The following TNFAIP8 variants were observed in gnomAD, a reference collection of about 807,000 sequenced individuals.
TNFAIP8 encodes TNF alpha induced protein 8.
A neutral mutation model predicts 13.3 loss-of-function variants in TNFAIP8; 7 were observed. The observed-to-expected ratio is 0.52, with a 90% CI of 0.30 to 0.99. TNFAIP8 has a LOEUF of 0.99. TNFAIP8 is among the 50% of genes least tolerant of loss of function. The pLI is 0.07. For missense variants in TNFAIP8, 258 were observed against 236.9 expected (o/e 1.09, Z -0.58); for synonymous variants, 94 against 87.6 (o/e 1.07, Z -0.41).
Position 119,395,749 on chromosome 5 carries a change from C to T in TNFAIP8, c.*2368C>T, listed in dbSNP as rs1753058482. 1 of 152,184 alleles carries T rather than the reference C, an allele frequency of 6.6e-6. No individual in the cohort carries two copies. Among genetic ancestry groups the T allele is most frequent in the African/African-American group, 2.4e-5 (1 of 41,454 alleles). The allele number at this position is 152,184 out of a possible 1,614,324, so 9.4% of individuals were successfully genotyped here. A position where few individuals can be genotyped will look rare whatever the true frequency, so the allele number is the denominator to read the frequency against. Reference sequence around the variant, plus strand: ...TCATTTCTAATACAATAGGACTCCCCTTGAGCATTTAGGGTGGCAAGGAGC... The same window carrying T: ...TCATTTCTAATACAATAGGACTCCCTTTGAGCATTTAGGGTGGCAAGGAGC... On this transcript the variant is annotated 3_prime_UTR_variant, in exon 2 of 2. Transcript: ENST00000504771.
At chr5:119,307,814 T>C (rs1372390613) in intron 1 of TNFAIP8, among the ~76,000 whole-genome samples, 2 of 152,254 alleles carry the variant, frequency 1.3e-5, no homozygotes, top group Non-Finnish European at 2.9e-5. Context: ...GAAATTATTC[T>C]AATTTAATAG....
At chr5:119,369,297 G>A (rs562900702) in intron 1 of TNFAIP8, among the ~76,000 whole-genome samples, 6 of 152,092 alleles carry the variant, frequency 3.9e-5, no homozygotes, top group Non-Finnish European at 5.9e-5. Context: ...CAAGTGATCC[G>A]CCTGCCTGGG....
At chr5:119,323,603 G>A (rs189613088) in intron 1 of TNFAIP8, among the ~76,000 whole-genome samples, 40 of 152,242 alleles carry the variant, frequency 2.6e-4, no homozygotes, top group Admixed American at 2.2e-3. Flanking sequence ...ATAGTGCTCT[G>A]TATGTTTCCC....
intron 1 of TNFAIP8, among the ~76,000 whole-genome samples, chr5:119,331,346 G>T (rs1043142580): frequency 6.7e-6 from 1 of 149,152 alleles, no homozygotes; most frequent in East Asian, 2.0e-4. Context: ...ACTCTTCTTT[G>T]TTCCCAAATC....
At chr5:119,282,824 G>C (rs1435235889) in intron 1 of TNFAIP8, among the ~76,000 whole-genome samples, 1 of 152,048 alleles carries the variant, frequency 6.6e-6, no homozygotes. Flanking sequence ...GATCTTTTTG[G>C]TCTTCATTTC....
intron 1 of TNFAIP8, among the ~76,000 whole-genome samples, chr5:119,326,615 C>T (rs548591139): frequency 5.3e-5 from 8 of 152,148 alleles, no homozygotes; most frequent in African/African-American, 1.7e-4. Flanking sequence ...AAACTTAATT[C>T]TAGGTACACA....
chr5:119,287,033 G>T (rs1424759870), intron 1 of TNFAIP8, among the ~76,000 whole-genome samples: 1 of 152,006 alleles, frequency 6.6e-6, no homozygotes, highest in African/African-American at 2.4e-5. Context: ...TGGTTGTATT[G>T]CCCCTTTCCT....
intron 1 of TNFAIP8, among the ~76,000 whole-genome samples, chr5:119,328,932 C>T (rs1393208382): frequency 7.2e-5 from 11 of 152,234 alleles, no homozygotes. Context: ...ATTCAAGTGC[C>T]AGCATATTTA....
intron 1 of TNFAIP8, among the ~76,000 whole-genome samples, chr5:119,389,524 G>A (rs1466230661): frequency 6.6e-6 from 1 of 152,156 alleles, no homozygotes; most frequent in Non-Finnish European, 1.5e-5. Context: ...GCCTGCACAG[G>A]AATGGCTAAC....
intron 1 of TNFAIP8, among the ~76,000 whole-genome samples, chr5:119,387,822 C>T (rs1752738185): frequency 6.6e-6 from 1 of 152,156 alleles, no homozygotes; most frequent in South Asian, 2.1e-4. Flanking sequence ...ATAACATTTA[C>T]ACCCTATTTC....
chr5:119,367,918 C>T lies in TNFAIP8; in HGVS notation c.31+11797C>T, dbSNP rs138324383. On this transcript the variant is annotated intron_variant, in intron 1 of 1. Coordinates refer to ENST00000504771, the MANE Select transcript of TNFAIP8 (RefSeq NM_014350.4). ...TATTTCATGATGCTGGTGTTTTGTT[C>T]AGTTTTTAAAAATGAAATAAGAGGA... Among the ~76,000 whole-genome samples, 658 of 151,992 alleles carry T rather than the reference C, an allele frequency of 4.3e-3. 8 individuals are homozygous for T. The highest frequency in any genetic ancestry group is 0.015 in the African/African-American group (601 of 41,434).
At chr5:119,275,832 C>G (rs191937115) in intron 1 of TNFAIP8, among the ~76,000 whole-genome samples, 6 of 151,504 alleles carry the variant, frequency 4.0e-5, no homozygotes, top group Admixed American at 1.3e-4. Context: ...TTTTTTTCCC[C>G]TCTAGATTTA....
At chr5:119,363,149 G>T (rs187119607) in intron 1 of TNFAIP8, among the ~76,000 whole-genome samples, 2 of 152,290 alleles carry the variant, frequency 1.3e-5, no homozygotes, top group East Asian at 3.9e-4. Context: ...GAGAGCATGG[G>T]GCCTTGGAAG....
rs192526715 is a variant in TNFAIP8 at position 119,371,981 on chromosome 5, C to T, written c.31+15860C>T. On this transcript the variant is annotated intron_variant, in intron 1 of 1. Coordinates refer to ENST00000504771, the MANE Select transcript of TNFAIP8 (RefSeq NM_014350.4). ...TGAAACCCCGTCTCTGCTAAAAATA[C>T]AAAAAATTAGCCGGGCGTGGTGGCG... 4.2e-3 allele frequency among the ~76,000 whole-genome samples: 630 copies of T among 151,160 alleles called. 8 individuals are homozygous for T. The highest frequency in any genetic ancestry group is 0.014 in the African/African-American group (591 of 41,326).
At chr5:119,389,122 G>A (rs1752796104) in intron 1 of TNFAIP8, among the ~76,000 whole-genome samples, 1 of 152,126 alleles carries the variant, frequency 6.6e-6, no homozygotes, top group Admixed American at 6.5e-5. Flanking sequence ...AGAATGGTAT[G>A]GTGGATGATC....
intron 1 of TNFAIP8, among the ~76,000 whole-genome samples, chr5:119,329,142 C>T (rs1750304033): frequency 6.6e-6 from 1 of 152,210 alleles, no homozygotes; most frequent in Non-Finnish European, 1.5e-5. Flanking sequence ...GCCTTTCAGC[C>T]TCCTTGGATG....
intron 1 of TNFAIP8, among the ~76,000 whole-genome samples, chr5:119,333,817 A>AG (rs1372790133): frequency 6.6e-6 from 1 of 152,188 alleles, no homozygotes; most frequent in African/African-American, 2.4e-5. Context: ...GGTGTGGGGA[A>AG]CCAGTGTTAA....
At chr5:119,285,426 G>A (rs1748751410) in intron 1 of TNFAIP8, among the ~76,000 whole-genome samples, 1 of 150,980 alleles carries the variant, frequency 6.6e-6, no homozygotes, top group Non-Finnish European at 1.5e-5. Context: ...GACTGCCCCA[G>A]TGTGGAATGA....
chr5:119,305,818 A>G (rs1162333046), intron 1 of TNFAIP8, among the ~76,000 whole-genome samples: 2 of 152,208 alleles, frequency 1.3e-5, no homozygotes, highest in African/African-American at 2.4e-5. Context: ...AGGAACCTGC[A>G]TGTTAATAAG....
Sources: allele counts gnomAD v4.1 joint callset (sites outside exome capture counted in the v4.1 genomes callset), GRCh38; gene constraint gnomAD v4.1.1; transcripts MANE v1.5; gene names NCBI Gene and HGNC (gene_info 2026-07-23, HGNC 2026-07-21).